The following TMEM117 variants were observed in gnomAD, a reference collection of about 807,000 sequenced individuals.
The protein encoded by TMEM117 is transmembrane protein 117.
A neutral mutation model predicts 52.4 loss-of-function variants in TMEM117; 27 were observed. The ratio of observed to expected loss-of-function variants is 0.51; its 90% CI spans 0.38 to 0.71. The LOEUF is 0.71. TMEM117 is among the 30% of genes least tolerant of loss of function. The probability of loss-of-function intolerance (pLI) is 0.00; values close to 1 mark genes in which losing one functional copy is unlikely to be tolerated. For missense variants in TMEM117, 556 were observed against 630.5 expected (o/e 0.88, Z 1.26); for synonymous variants, 215 against 206.3 (o/e 1.04, Z -0.36).
intron 1 of TMEM117, among the ~76,000 whole-genome samples, chr12:43,842,100 C>T (rs1366486704): frequency 1.3e-5 from 2 of 152,158 alleles, no homozygotes; most frequent in Non-Finnish European, 1.5e-5. Flanking sequence ...ACTTCCAAAA[C>T]TGTTGTGTGA....
At chr12:44,255,997 A>G (rs1302172864) in intron 5 of TMEM117, among the ~76,000 whole-genome samples, 2 of 152,002 alleles carry the variant, frequency 1.3e-5, no homozygotes, top group Non-Finnish European at 2.9e-5. Context: ...ACCATTCCTC[A>G]TATCCTCAAG....
chr12:44,165,797 C>G (rs139548633), intron 4 of TMEM117, among the ~76,000 whole-genome samples: 13 of 152,308 alleles, frequency 8.5e-5, no homozygotes, highest in Non-Finnish European at 1.8e-4. Flanking sequence ...ACACCCCACT[C>G]TCAGCATTGG....
chr12:43,924,352 T>G (rs1944743325), intron 2 of TMEM117, among the ~76,000 whole-genome samples: 1 of 152,184 alleles, frequency 6.6e-6, no homozygotes, highest in Non-Finnish European at 1.5e-5. Flanking sequence ...ATAACTCCTT[T>G]GTCTATTATT....
At chr12:44,334,412 T>C (rs1226577623) in intron 6 of TMEM117, among the ~76,000 whole-genome samples, 1 of 152,030 alleles carries the variant, frequency 6.6e-6, no homozygotes, top group Admixed American at 6.6e-5. Flanking sequence ...AAAAGCTACC[T>C]TACCAAGATT....
intron 4 of TMEM117, among the ~76,000 whole-genome samples, chr12:44,167,630 G>A (rs561829147): frequency 6.6e-6 from 1 of 152,056 alleles, no homozygotes; most frequent in East Asian, 1.9e-4. Context: ...TTGCACCACT[G>A]CACTCCAGCT....
chr12:43,940,877 A>G (rs905040571), intron 2 of TMEM117, among the ~76,000 whole-genome samples: 1 of 152,118 alleles, frequency 6.6e-6, no homozygotes, highest in Admixed American at 6.6e-5. Context: ...CTTTTATATC[A>G]TTAATCTTGT....
chr12:43,888,554 T>C (rs2137470677), intron 2 of TMEM117, among the ~76,000 whole-genome samples: 1 of 146,490 alleles, frequency 6.8e-6, no homozygotes, highest in African/African-American at 2.5e-5. Flanking sequence ...TTTTTTTTTT[T>C]TTTTTTTTTT....
the TMEM117 span, among the ~76,000 whole-genome samples, chr12:44,396,725 G>A: frequency 1.3e-5 from 2 of 151,762 alleles, no homozygotes; most frequent in South Asian, 4.2e-4. Flanking sequence ...GTGGTGGCGG[G>A]CACCTGTAAT....
At chr12:44,171,155 A>G (rs1949040624) in intron 4 of TMEM117, among the ~76,000 whole-genome samples, 1 of 150,746 alleles carries the variant, frequency 6.6e-6, no homozygotes, top group Non-Finnish European at 1.5e-5. Flanking sequence ...AGCTGGGACT[A>G]CAGGCGCCCG....
chr12:44,373,874 C>G (rs550339047), intron 6 of TMEM117, among the ~76,000 whole-genome samples: 1 of 144,672 alleles, frequency 6.9e-6, no homozygotes, highest in Non-Finnish European at 1.5e-5. Context: ...CTCCGTCTCC[C>G]GGGTTCAAGC....
chr12:44,058,753 C>T (rs143923166), intron 3 of TMEM117, among the ~76,000 whole-genome samples: 3 of 152,222 alleles, frequency 2.0e-5, no homozygotes, highest in East Asian at 1.9e-4. Context: ...TTTGCTATTA[C>T]GTTTTGTCTT....
intron 2 of TMEM117, among the ~76,000 whole-genome samples, chr12:43,936,618 T>A (rs1944955719): frequency 6.6e-6 from 1 of 152,086 alleles, no homozygotes; most frequent in African/African-American, 2.4e-5. Flanking sequence ...CCCAAAATGG[T>A]GACTGAGAAA....
At chr12:44,117,859 A>G (rs1339552976) in intron 3 of TMEM117, among the ~76,000 whole-genome samples, 1 of 152,110 alleles carries the variant, frequency 6.6e-6, no homozygotes, top group Non-Finnish European at 1.5e-5. Context: ...TCCTACCAGT[A>G]AAACTCCTTT....
chr12:44,284,599 C>T (rs1029842697), intron 5 of TMEM117, among the ~76,000 whole-genome samples: 8 of 152,180 alleles, frequency 5.3e-5, no homozygotes, highest in African/African-American at 1.4e-4. Context: ...TTGCAATGCA[C>T]AGGCCTCTTT....
chr12:43,902,557 A>G (rs1330514027), intron 2 of TMEM117, among the ~76,000 whole-genome samples: 2 of 152,206 alleles, frequency 1.3e-5, no homozygotes, highest in Non-Finnish European at 2.9e-5. Flanking sequence ...TTGAACATCC[A>G]GGAAAGCTTA....
At chr12:44,208,911 A>T (rs929271316) in intron 4 of TMEM117, among the ~76,000 whole-genome samples, 1 of 152,068 alleles carries the variant, frequency 6.6e-6, no homozygotes, top group Non-Finnish European at 1.5e-5. Flanking sequence ...TGAAAATTGA[A>T]TAAAACCCAC....
At chr12:44,184,622 G>A (rs1305886676) in intron 4 of TMEM117, among the ~76,000 whole-genome samples, 3 of 152,090 alleles carry the variant, frequency 2.0e-5, no homozygotes, top group Non-Finnish European at 4.4e-5. Flanking sequence ...CAGGAAATGG[G>A]GACCTCAGTC....
At chr12:44,253,890 A>C (rs1950225114) in intron 5 of TMEM117, among the ~76,000 whole-genome samples, 1 of 150,268 alleles carries the variant, frequency 6.7e-6, no homozygotes, top group Non-Finnish European at 1.5e-5. Flanking sequence ...TCTCTCTCTC[A>C]AAGAAACATT....
chr12:44,189,941 C>T (rs1183347209), intron 4 of TMEM117, among the ~76,000 whole-genome samples: 1 of 152,168 alleles, frequency 6.6e-6, no homozygotes, highest in Non-Finnish European at 1.5e-5. Context: ...AGTAACCAAG[C>T]ATGATTTTTT....
Sources: gnomAD v4.1 joint callset for allele counts (sites outside exome capture counted in the v4.1 genomes callset) on GRCh38, gnomAD v4.1.1 for gene constraint, MANE v1.5 for transcripts, NCBI Gene and HGNC (gene_info 2026-07-23, HGNC 2026-07-21) for gene names.